ASAP2: variants seen among roughly 807,000 people sequenced by gnomAD.
ASAP2 encodes the protein arf-GAP with SH3 domain, ANK repeat and PH domain-containing protein 2.
In ASAP2, 45 loss-of-function variants were observed where a neutral mutation model predicts 131.4. The observed-to-expected ratio is 0.34, with a 90% CI of 0.27 to 0.44. The LOEUF is 0.44. Ranked by LOEUF, ASAP2 falls within the 20% of genes least tolerant of loss-of-function variation. ASAP2 has a pLI of 1.00. For synonymous variants in ASAP2, 510 were observed against 503.0 expected, an observed-to-expected ratio of 1.01 and a Z score of -0.19; for missense variants, 1,011 against 1,297.0, an observed-to-expected ratio of 0.78 and a Z score of 3.39.
At chr2:9,317,551 T>G (rs572877207) in intron 3 of ASAP2, among the ~76,000 whole-genome samples, 199 of 127,664 alleles carry the variant, frequency 1.6e-3, no homozygotes, top group African/African-American at 5.7e-3. Flanking sequence ...ATCTCTCACA[T>G]CCACAATCAC....
intron 14 of ASAP2, among the ~76,000 whole-genome samples, chr2:9,358,459 TGAG>T (rs2148658209): frequency 6.6e-6 from 1 of 152,306 alleles, no homozygotes; most frequent in African/African-American, 2.4e-5. Flanking sequence ...CACCAGCCAT[TGAG>T]GAGCCCTTGG....
chr2:9,342,359 T>G (rs1671645907), intron 9 of ASAP2, among the ~76,000 whole-genome samples: 1 of 152,224 alleles, frequency 6.6e-6, no homozygotes, highest in Admixed American at 6.5e-5. Context: ...AAATAAATCC[T>G]TACATTTAGA....
chr2:9,356,483 A>C lies in ASAP2; in HGVS notation c.1327+138A>C, dbSNP rs1572535195. 6.7e-6 allele frequency: 7 copies of C among 1,042,802 alleles called. No individual in the cohort carries two copies. The East Asian group carries it at 1.8e-4, about 27-fold the overall frequency. 64.6% of individuals were successfully genotyped at this position (1,042,802 alleles called of 1,614,324 possible). ...GCTCAGCCTGAGTTCATCCCATTAC[A>C]CAAATGCTTAATGAACTGTGCAGAC... On this transcript the variant is annotated intron_variant, in intron 14 of 27. Coordinates refer to ENST00000281419, the MANE Select transcript of ASAP2 (RefSeq NM_003887.3).
chr2:9,388,499 C>T lies in ASAP2; in HGVS notation c.2336C>T (p.Pro779Leu), dbSNP rs577577298. The change falls in exon 22 of 28, where the codon CCC (proline) becomes CTC (leucine). Residue 779 changes from proline to leucine, a missense_variant. By Grantham distance (98) the Pro-to-Leu change is moderately conservative. Transcript: ENST00000281419. The part of the protein sequence containing the change: ...GSPPPAQPAA[P>L]STTSAPPLPP... Reference sequence around the variant, plus strand: ...CCACCTCCCGCCCAGCCTGCAGCCCCCAGCACCACCAGCGCCCCCCCGCTT... The same window carrying T: ...CCACCTCCCGCCCAGCCTGCAGCCCTCAGCACCACCAGCGCCCCCCCGCTT... 10 of 1,613,818 alleles carry T rather than the reference C, an allele frequency of 6.2e-6. No individual in the cohort carries two copies. The highest frequency in any genetic ancestry group is 2.2e-5 in the East Asian group (1 of 44,874).
At chr2:9,275,165 C>A (rs1666679823) in intron 1 of ASAP2, among the ~76,000 whole-genome samples, 1 of 151,258 alleles carries the variant, frequency 6.6e-6, no homozygotes, top group Non-Finnish European at 1.5e-5. Flanking sequence ...GCTGCAGCCT[C>A]CAACTTCTGG....
At chr2:9,337,110 T>G (rs1038936432) in intron 9 of ASAP2, among the ~76,000 whole-genome samples, 4 of 152,248 alleles carry the variant, frequency 2.6e-5, no homozygotes, top group Non-Finnish European at 4.4e-5. Flanking sequence ...GTTTGTTGTT[T>G]TTTGTTAACC....
rs543696615 is a variant in ASAP2 at position 9,264,619 on chromosome 2, G to A, written c.127-14698G>A. Among the ~76,000 whole-genome samples, 21 of 152,206 alleles carry A rather than the reference G, an allele frequency of 1.4e-4. 1 individual carries two copies. In the South Asian group the frequency reaches 3.9e-3, roughly 29 times the overall value. On this transcript the variant is annotated intron_variant, in intron 1 of 27. Coordinates refer to ENST00000281419, the MANE Select transcript of ASAP2 (RefSeq NM_003887.3). Reference sequence around the variant, plus strand: ...TACGTGAATATATCCTTGTGGTAAAGTTTTCAGGTGATAGCGAAAACTCAG... The same window carrying A: ...TACGTGAATATATCCTTGTGGTAAAATTTTCAGGTGATAGCGAAAACTCAG...
chr2:9,209,734 T>G (rs562911113), intron 1 of ASAP2, among the ~76,000 whole-genome samples: 2 of 152,284 alleles, frequency 1.3e-5, no homozygotes, highest in East Asian at 3.9e-4. Context: ...CATGCACAGC[T>G]AATTTTTTGT....
chr2:9,345,571 T>C (rs919925407), intron 11 of ASAP2, among the ~76,000 whole-genome samples: 1 of 152,174 alleles, frequency 6.6e-6, no homozygotes, highest in African/African-American at 2.4e-5. Flanking sequence ...ACAGCTTTGG[T>C]AACATCTCAA....
At position 9,380,791 on chromosome 2, in the gene ASAP2, G is replaced by C. The variant is rs757615953; in HGVS notation, c.1999G>C (p.Glu667Gln). 4 of 1,613,944 alleles carry C rather than the reference G, an allele frequency of 2.5e-6. No individual in the cohort carries two copies. The highest frequency in any genetic ancestry group is 3.4e-6 in the Non-Finnish European group (4 of 1,180,032). ...GGACATTGCCAAGCGCCTCAAGCAC[G>C]AGCACTGTGAGGAGCTGGTGAGTCT... The part of the protein sequence containing the change: ...PLDIAKRLKH[E>Q]HCEELLTQAL... Residue 667 changes from glutamate (E) to glutamine (Q), a missense_variant, in exon 20 of 28, where the codon GAG becomes CAG. Coordinates refer to ENST00000281419, the MANE Select transcript of ASAP2 (RefSeq NM_003887.3).
intron 1 of ASAP2, among the ~76,000 whole-genome samples, chr2:9,243,515 C>T (rs527519023): frequency 6.6e-6 from 1 of 152,214 alleles, no homozygotes; most frequent in African/African-American, 2.4e-5. Flanking sequence ...TGTTAAAATA[C>T]AACTTTGCTT....
At chr2:9,254,468 T>A (rs1664996197) in intron 1 of ASAP2, among the ~76,000 whole-genome samples, 1 of 143,082 alleles carries the variant, frequency 7.0e-6, no homozygotes, top group African/African-American at 2.6e-5. Flanking sequence ...TTCTCCTGCC[T>A]CAGCCTCCCA....
intron 1 of ASAP2, among the ~76,000 whole-genome samples, chr2:9,275,224 C>T (rs933509119): frequency 6.6e-6 from 1 of 152,026 alleles, no homozygotes; most frequent in Non-Finnish European, 1.5e-5. Context: ...TGCATGTTCC[C>T]ATGCCCGGCT....
At chr2:9,323,554 A>G (rs995752129) in intron 6 of ASAP2, among the ~76,000 whole-genome samples, 26 of 152,218 alleles carry the variant, frequency 1.7e-4, no homozygotes, top group African/African-American at 6.0e-4. Context: ...GTGTATTTAA[A>G]TGAGATCTCT....
Position 9,391,020 on chromosome 2 carries a change from A to G in ASAP2, c.2384-42A>G, listed in dbSNP as rs769192821. The G allele has an allele frequency of 2.5e-6, 4 of 1,613,778 alleles. No homozygotes were observed. In the East Asian group the frequency reaches 8.9e-5, roughly 36 times the overall value. On this transcript the variant is annotated intron_variant, in intron 22 of 27. Transcript: ENST00000281419. ...TGTTTTTGTTCGTGTGTGCACGTGT[A>G]TGTGTGCGTGCATGCGTCTGTGTGC...
At chr2:9,399,954 T>G in intron 24 of ASAP2, 69 bp from the exon 25 acceptor site, 1 of 1,504,192 alleles carries the variant, frequency 6.6e-7, no homozygotes, top group South Asian at 1.1e-5. Context: ...GGTTCTCTGA[T>G]AAAAGGGGAT....
At chr2:9,227,582 G>T (rs1282253500) in intron 1 of ASAP2, among the ~76,000 whole-genome samples, 1 of 152,188 alleles carries the variant, frequency 6.6e-6, no homozygotes, top group Non-Finnish European at 1.5e-5. Flanking sequence ...CATCACAGAG[G>T]TTTAACGGCT....
chr2:9,383,855 C>G (rs1675058142), intron 20 of ASAP2, among the ~76,000 whole-genome samples: 1 of 152,132 alleles, frequency 6.6e-6, no homozygotes, highest in Non-Finnish European at 1.5e-5. Flanking sequence ...GAGTTCATGT[C>G]CTTTGTAGGG....
intron 2 of ASAP2, among the ~76,000 whole-genome samples, chr2:9,292,309 G>A (rs1667866714): frequency 6.6e-6 from 1 of 152,074 alleles, no homozygotes; most frequent in South Asian, 2.1e-4. Context: ...CATGAGATCA[G>A]GAGTTCAAGA....
Sources: gnomAD v4.1 joint callset for allele counts (sites outside exome capture counted in the v4.1 genomes callset) on GRCh38, gnomAD v4.1.1 for gene constraint, MANE v1.5 for transcripts, NCBI Gene and HGNC (gene_info 2026-07-23, HGNC 2026-07-21) for gene names.